The following TCF20 variants were observed in gnomAD, a reference collection of about 807,000 sequenced individuals.
The protein encoded by TCF20 is transcription factor 20.
TCF20 carries 3 observed loss-of-function variants against 148.6 expected under a neutral mutation model. That is an observed-to-expected ratio of 0.02 (90% confidence interval 0.01 to 0.05). The LOEUF is 0.05. TCF20 is among the 10% of genes least tolerant of loss of function. The probability of loss-of-function intolerance (pLI) is 1.00; values close to 1 mark genes in which losing one functional copy is unlikely to be tolerated. For synonymous variants in TCF20, 1,049 were observed against 909.5 expected (o/e 1.15, Z -2.76); for missense variants, 2,350 against 2,429.3 (o/e 0.97, Z 0.69).
At chr22:42,263,396 T>C (rs1389632183) in intron 1 of TCF20, among the ~76,000 whole-genome samples, 1 of 152,140 alleles carries the variant, frequency 6.6e-6, no homozygotes, top group Non-Finnish European at 1.5e-5. Context: ...TTCTCCAGAC[T>C]CTCAAAGTAG....
At chr22:42,172,467 G>A (rs1276429222) in intron 3 of TCF20, among the ~76,000 whole-genome samples, 2 of 152,218 alleles carry the variant, frequency 1.3e-5, no homozygotes, top group Admixed American at 1.3e-4. Context: ...TCTGCATAGT[G>A]AAGTCAAAGT....
intron 1 of TCF20, among the ~76,000 whole-genome samples, chr22:42,217,697 G>A (rs962359930): frequency 7.2e-5 from 11 of 152,130 alleles, no homozygotes; most frequent in Admixed American, 7.2e-4. Flanking sequence ...AATAGAATAT[G>A]ATCAACCTAA....
intron 1 of TCF20, among the ~76,000 whole-genome samples, chr22:42,258,189 TAGTC>T (rs1388673569): frequency 1.3e-5 from 2 of 152,200 alleles, no homozygotes; most frequent in African/African-American, 2.4e-5. Flanking sequence ...ACTGTTTCCT[TAGTC>T]AGCTCTATCC....
At position 42,297,346 on chromosome 22, in the gene TCF20, C is replaced by G. The variant is rs1927254765; in HGVS notation, c.-37+46133G>C. On this transcript the variant is annotated intron_variant, in intron 1 of 1. Transcript: ENST00000515426. This position sits in a 1 kb window ranked among gnomAD's most constrained non-coding sequence, Gnocchi z 4.3. ...CTCCCTAGCTGGCTTAAGGGTTGGT[C>G]ATATTCATGGAGCGGCAAGAATGAG... Among the ~76,000 whole-genome samples, 1 of 152,232 alleles carries G rather than the reference C, an allele frequency of 6.6e-6. No individual in the cohort carries two copies. The highest frequency in any genetic ancestry group is 1.9e-4 in the East Asian group (1 of 5,190).
rs1038551443 is a variant in TCF20 at position 42,317,331 on chromosome 22, T to C, written c.-37+26148A>G. Among the ~76,000 whole-genome samples the C allele has an allele frequency of 1.3e-5, 2 of 152,102 alleles. No homozygotes were observed. Among genetic ancestry groups the C allele is most frequent in the African/African-American group, 4.8e-5 (2 of 41,404 alleles). On this transcript the variant is annotated intron_variant, in intron 1 of 1. Transcript: ENST00000515426. This position sits in a 1 kb window ranked among gnomAD's most constrained non-coding sequence, Gnocchi z 4.2. ...GGCAATATTTCACCTCGCCCAGAAA[T>C]TTACTGCAAGTTCTCAAGTCTCCCT...
rs1224170032 is a variant in TCF20 at position 42,169,876 on chromosome 22, TCTC to T, written c.5767_5769del (p.Glu1923del). On this transcript the variant is annotated inframe_deletion, in exon 4 of 6. Coordinates refer to ENST00000677622, the MANE Select transcript of TCF20 (RefSeq NM_001378418.1). ...TGCTTAGGGCACCTCACCGAGAAGT[TCTC>T]CTCATGTAGCAAACAATCTGGAAGA... 8 of 1,613,116 alleles carry T rather than the reference TCTC, an allele frequency of 5.0e-6. No homozygotes were observed. The highest frequency in any genetic ancestry group is 2.2e-5 in the East Asian group (1 of 44,834).
upstream of TCF20, among the ~76,000 whole-genome samples, chr22:42,272,370 G>T (rs1226203103): frequency 6.6e-6 from 1 of 152,148 alleles, no homozygotes; most frequent in Admixed American, 6.5e-5. Flanking sequence ...TGGTGTTGGG[G>T]GCACCCTTAA....
At chr22:42,266,051 C>T (rs999163173) in intron 1 of TCF20, among the ~76,000 whole-genome samples, 1 of 150,078 alleles carries the variant, frequency 6.7e-6, no homozygotes, top group African/African-American at 2.5e-5. Flanking sequence ...TCACCTAAAT[C>T]TAGATTTCAG....
At chr22:42,262,782 TCTC>T (rs946846044) in intron 1 of TCF20, among the ~76,000 whole-genome samples, 3 of 152,126 alleles carry the variant, frequency 2.0e-5, no homozygotes, top group African/African-American at 4.8e-5. Flanking sequence ...TCCAGTGACC[TCTC>T]AAGTCAGGGT....
chr22:42,246,473 A>T (rs935649467), intron 1 of TCF20, among the ~76,000 whole-genome samples: 2 of 152,044 alleles, frequency 1.3e-5, no homozygotes, highest in Non-Finnish European at 2.9e-5. Flanking sequence ...TGACCACCAA[A>T]ACTAATCCTT....
At chr22:42,332,897 T>C (rs1344600893) in intron 1 of TCF20, among the ~76,000 whole-genome samples, 1 of 151,086 alleles carries the variant, frequency 6.6e-6, no homozygotes, top group Non-Finnish European at 1.5e-5. Flanking sequence ...ATGCCAGGAG[T>C]GGGGGCAGCT....
At chr22:42,180,826 C>G (rs957934893) in intron 2 of TCF20, among the ~76,000 whole-genome samples, 1 of 152,168 alleles carries the variant, frequency 6.6e-6, no homozygotes, top group Non-Finnish European at 1.5e-5. Context: ...ATAACTTGTT[C>G]CAGGTCAGAG....
intron 2 of TCF20, among the ~76,000 whole-genome samples, chr22:42,207,202 G>A (rs1938443417): frequency 6.6e-6 from 1 of 152,080 alleles, no homozygotes; most frequent in Non-Finnish European, 1.5e-5. Flanking sequence ...CTGAAAACAG[G>A]CGGGAGATTG....
Position 42,209,947 on chromosome 22 carries a change from T to C in TCF20, c.5359A>G (p.Lys1787Glu). The C allele has an allele frequency of 6.2e-7, 1 of 1,613,982 alleles. No homozygotes were observed. The highest frequency in any genetic ancestry group is 8.5e-7 in the Non-Finnish European group (1 of 1,180,000). The change falls in exon 2 of 6, where the codon AAG (lysine) becomes GAG (glutamate). Residue 1787 changes from lysine (K) to glutamate (E), a missense_variant. Transcript: ENST00000677622. ...CAGTCTTCCGAGCGGTGGCGCCGCT[T>C]AAACCTGGGGTGTGCGGCCAGGCTT... ...QRSLAAHPRF[K>E]RRHRSEDCGG...
chr22:42,287,272 G>T (rs1927049805), upstream of TCF20, among the ~76,000 whole-genome samples: 1 of 152,146 alleles, frequency 6.6e-6, no homozygotes, highest in African/African-American at 2.4e-5. Context: ...ACACATTATT[G>T]TTGGGGATGA....
intron 5 of TCF20, among the ~76,000 whole-genome samples, chr22:42,164,893 G>C (rs560390779): frequency 6.6e-6 from 1 of 152,324 alleles, no homozygotes; most frequent in South Asian, 2.1e-4. Context: ...CCTGGTCCCT[G>C]AGGAGCTGGA....
At chr22:42,241,196 G>A (rs961350332) in intron 1 of TCF20, among the ~76,000 whole-genome samples, 3 of 152,096 alleles carry the variant, frequency 2.0e-5, no homozygotes, top group Non-Finnish European at 2.9e-5. Flanking sequence ...GGCTAGTGCC[G>A]TCAGTCACCT....
intron 5 of TCF20, among the ~76,000 whole-genome samples, chr22:42,165,772 T>C (rs769287232): frequency 2.0e-5 from 3 of 152,216 alleles, no homozygotes; most frequent in Admixed American, 1.3e-4. Flanking sequence ...TGCTGGCACT[T>C]AGAGACATTT....
At chr22:42,283,012 A>T (rs559608386) in intron 1 of TCF20, among the ~76,000 whole-genome samples, 2 of 152,240 alleles carry the variant, frequency 1.3e-5, no homozygotes, top group East Asian at 3.9e-4. Context: ...TGCATTTACC[A>T]CAAACAGAGA....
Sources: gnomAD v4.1 joint callset for allele counts (sites outside exome capture counted in the v4.1 genomes callset) on GRCh38, gnomAD v4.1.1 for gene constraint, Gnocchi (gnomAD v3.1) non-coding constraint, MANE v1.5 for transcripts, NCBI Gene and HGNC (gene_info 2026-07-23, HGNC 2026-07-21) for gene names.